DMD: variants seen among roughly 807,000 people sequenced by gnomAD.
The protein encoded by DMD is dystrophin.
In DMD, 63 loss-of-function variants were observed where a neutral mutation model predicts 330.1. That is an observed-to-expected ratio of 0.19 (90% confidence interval 0.16 to 0.24). The LOEUF (loss-of-function observed/expected upper bound fraction) is 0.24. Ranked by LOEUF, DMD falls within the 10% of genes least tolerant of loss-of-function variation. The pLI, the probability that DMD is intolerant of heterozygous loss-of-function variation, is 1.00. For missense variants in DMD, 3,344 were observed against 2,684.1 expected, an observed-to-expected ratio of 1.25 and a Z score of -5.43; for synonymous variants, 1,223 against 959.8, an observed-to-expected ratio of 1.27 and a Z score of -5.07.
intron 44 of DMD, among the ~76,000 whole-genome samples, chrX:32,053,245 T>C (rs956730147): frequency 9.0e-6 from 1 of 111,647 alleles, no homozygotes; most frequent in Non-Finnish European, 1.9e-5. Flanking sequence ...CCCTAACAGA[T>C]GACAAGTCAA....
chrX:32,903,503 G>A (rs748503179), intron 2 of DMD, among the ~76,000 whole-genome samples: 22 of 111,159 alleles, frequency 2.0e-4, no homozygotes, highest in African/African-American at 7.2e-4. Context: ...AAGCCTAGCT[G>A]AGCATTACAG....
intron 43 of DMD, among the ~76,000 whole-genome samples, chrX:32,225,351 A>G (rs2097144105): frequency 8.9e-6 from 1 of 111,856 alleles, no homozygotes; most frequent in South Asian, 3.7e-4. Context: ...TAATTGGCCC[A>G]TGGGCAGGAG....
chrX:32,826,677 G>T (rs1387383282), intron 4 of DMD, among the ~76,000 whole-genome samples: 1 of 111,274 alleles, frequency 9.0e-6, no homozygotes, highest in Non-Finnish European at 1.9e-5. Flanking sequence ...GTAAAATGTT[G>T]GTTAGCAGGG....
rs913719561 is a variant in DMD, at chrX:32,838,354, G to A, written c.264+6429C>T. On this transcript the variant is annotated intron_variant, in intron 4 of 78. Transcript: ENST00000357033. ...AGTGGTTTGCTGTACCCATAGACCC[G>A]TCACCTACATTAGGTATTTCTCCTA... 1.1e-4 allele frequency among the ~76,000 whole-genome samples: 12 copies of A among 110,732 alleles called. No homozygotes were observed. The East Asian group carries it at 2.3e-3, about 21-fold the overall frequency.
chrX:33,239,248 T>C (rs1364356709), intron 1 of DMD, among the ~76,000 whole-genome samples: 1 of 76,057 alleles, frequency 1.3e-5, no homozygotes, highest in East Asian at 4.2e-4. Context: ...AACTCCAGCC[T>C]GGGTGACAGA....
intron 1 of DMD, among the ~76,000 whole-genome samples, chrX:33,296,511 A>G (rs1443681227): frequency 9.0e-6 from 1 of 110,869 alleles, no homozygotes; most frequent in Admixed American, 9.7e-5. Context: ...CAGTTTTATC[A>G]TGATAGGAGA....
At chrX:31,501,192 T>G (rs1273137573) in intron 56 of DMD, among the ~76,000 whole-genome samples, 1 of 112,236 alleles carries the variant, frequency 8.9e-6, no homozygotes, top group Non-Finnish European at 1.9e-5. Flanking sequence ...GCTGTTTCTG[T>G]ATGTCACTTC....
chrX:33,088,684 C>CA (rs1377457129), intron 1 of DMD, among the ~76,000 whole-genome samples: 35 of 109,378 alleles, frequency 3.2e-4, no homozygotes, highest in African/African-American at 1.0e-3. Flanking sequence ...GACTCCATCT[C>CA]AAAAAAAAGA....
chrX:32,415,127 C>T (rs1284961299), intron 29 of DMD, among the ~76,000 whole-genome samples: 5 of 112,017 alleles, frequency 4.5e-5, no homozygotes, highest in Non-Finnish European at 9.4e-5. Context: ...TTTGGTCCTT[C>T]CTCTGGCTAA....
intron 1 of DMD, among the ~76,000 whole-genome samples, chrX:33,267,444 C>T (rs188893159): frequency 9.0e-6 from 1 of 110,711 alleles, no homozygotes; most frequent in Non-Finnish European, 1.9e-5. Flanking sequence ...CTTATAGATT[C>T]AATGCTGTCC....
At chrX:31,491,559 T>C (rs2069302178) in intron 57 of DMD, among the ~76,000 whole-genome samples, 1 of 112,323 alleles carries the variant, frequency 8.9e-6, no homozygotes, top group South Asian at 3.7e-4. Flanking sequence ...GCTTTAATTA[T>C]TTATAACACT....
intron 52 of DMD, among the ~76,000 whole-genome samples, chrX:31,721,398 T>C (rs756334975): frequency 1.5e-4 from 16 of 110,052 alleles, no homozygotes; most frequent in African/African-American, 4.9e-4. Context: ...CCTTCTCCAA[T>C]CAATTTTGAA....
intron 13 of DMD, among the ~76,000 whole-genome samples, chrX:32,578,936 C>A (rs1410975254): frequency 3.6e-5 from 4 of 111,734 alleles, no homozygotes; most frequent in Non-Finnish European, 7.5e-5. Flanking sequence ...AATGAGCCCT[C>A]TGAAAATCCC....
At chrX:31,336,823 T>A (rs1467894096) in intron 61 of DMD, among the ~76,000 whole-genome samples, 9 of 111,724 alleles carry the variant, frequency 8.1e-5, no homozygotes, top group African/African-American at 2.9e-4. Flanking sequence ...AGAGAAGATA[T>A]GATACTGTAA....
intron 2 of DMD, among the ~76,000 whole-genome samples, chrX:32,889,980 C>A (rs2085040312): frequency 9.0e-6 from 1 of 111,544 alleles, no homozygotes; most frequent in Non-Finnish European, 1.9e-5. Flanking sequence ...TATGCAGGAT[C>A]TACCGGAAAG....
At chrX:32,336,586 A>G (rs780680245) in intron 41 of DMD, among the ~76,000 whole-genome samples, 1 of 111,645 alleles carries the variant, frequency 9.0e-6, no homozygotes, top group East Asian at 2.8e-4. Flanking sequence ...ACCGTAAGAG[A>G]AACTGATGTT....
chrX:31,757,440 C>T (rs1485494610), intron 51 of DMD, among the ~76,000 whole-genome samples: 1 of 111,987 alleles, frequency 8.9e-6, no homozygotes, highest in South Asian at 3.7e-4. Flanking sequence ...AGCTGTCAGC[C>T]CTTGTCTTAG....
intron 48 of DMD, among the ~76,000 whole-genome samples, chrX:31,857,137 C>T (rs764412560): frequency 2.7e-5 from 3 of 110,325 alleles, no homozygotes; most frequent in South Asian, 3.9e-4. Context: ...CCAGCACTTT[C>T]GGATGCTGAG....
At chrX:31,660,913 A>G (rs1427953340) in intron 53 of DMD, among the ~76,000 whole-genome samples, 2 of 111,660 alleles carry the variant, frequency 1.8e-5, no homozygotes, top group Admixed American at 9.6e-5. Flanking sequence ...TAAAGCTGTT[A>G]AAATTAAAAA....
Sources: gnomAD v4.1 joint callset for allele counts (sites outside exome capture counted in the v4.1 genomes callset) on GRCh38, gnomAD v4.1.1 for gene constraint, MANE v1.5 for transcripts, NCBI Gene and HGNC (gene_info 2026-07-23, HGNC 2026-07-21) for gene names.